Variants in BCKDHB observed in about 807,000 individuals in gnomAD.
The protein encoded by BCKDHB is branched chain keto acid dehydrogenase E1 subunit beta.
BCKDHB carries 41 observed loss-of-function variants against 48.5 expected under a neutral mutation model. That is an observed-to-expected ratio of 0.85 (90% CI 0.66 to 1.10). The LOEUF is 1.10. Ranked by LOEUF, BCKDHB falls within the 50% of genes least tolerant of loss-of-function variation. The probability of loss-of-function intolerance (pLI) is 0.00; values close to 1 mark genes in which losing one functional copy is unlikely to be tolerated. For synonymous variants in BCKDHB, 201 were observed against 174.8 expected, an observed-to-expected ratio of 1.15 and a Z score of -1.18; for missense variants, 496 against 494.2, an observed-to-expected ratio of 1.00 and a Z score of -0.03.
chr6:80,253,776 A>G (rs1419116672), intron 8 of BCKDHB, among the ~76,000 whole-genome samples: 1 of 152,112 alleles, frequency 6.6e-6, no homozygotes, highest in African/African-American at 2.4e-5. Flanking sequence ...TAGTTTTTTA[A>G]TGAATCTTGG....
At chr6:80,238,769 G>A (rs978888555) in intron 8 of BCKDHB, among the ~76,000 whole-genome samples, 9 of 151,718 alleles carry the variant, frequency 5.9e-5, no homozygotes, top group African/African-American at 1.9e-4. Context: ...TCCCATGACA[G>A]GCCCCAGTGT....
chr6:80,457,287 T>C, the BCKDHB span, among the ~76,000 whole-genome samples: 1 of 152,144 alleles, frequency 6.6e-6, no homozygotes, highest in African/African-American at 2.4e-5. Context: ...CTTTCAGACT[T>C]ATGCTTTCTT....
chr6:80,424,150 C>T, the BCKDHB span, among the ~76,000 whole-genome samples: 2 of 152,108 alleles, frequency 1.3e-5, no homozygotes, highest in African/African-American at 4.8e-5. Context: ...GTCTTTCAGC[C>T]TTTGTTTTCA....
In BCKDHB at chr6:80,189,125, T is replaced by C. The variant is rs563530939; in HGVS notation, c.743-11809T>C. Among the ~76,000 whole-genome samples, 4 of 152,364 alleles carry C rather than the reference T, an allele frequency of 2.6e-5. No homozygotes were observed. In the East Asian group the frequency reaches 7.7e-4, roughly 29 times the overall value. ...AAATATCTGGAAGTCAAATATTTACTTACATTTAATAAATAGATTTCTTTA... is the reference window on the plus strand; with the variant it reads ...AAATATCTGGAAGTCAAATATTTACCTACATTTAATAAATAGATTTCTTTA... On this transcript the variant is annotated intron_variant, in intron 6 of 9. Transcript: ENST00000320393.
At chr6:80,260,420 C>T (rs958621698) in intron 8 of BCKDHB, among the ~76,000 whole-genome samples, 2 of 152,252 alleles carry the variant, frequency 1.3e-5, no homozygotes, top group African/African-American at 2.4e-5. Context: ...AACAGACTCT[C>T]ACTCTTCCAG....
chr6:80,107,573 A>G (rs1769189497), intron 1 of BCKDHB, among the ~76,000 whole-genome samples: 1 of 144,754 alleles, frequency 6.9e-6, no homozygotes, highest in Admixed American at 6.9e-5. Flanking sequence ...ATATATGCAT[A>G]TATGTATATA....
chr6:80,438,070 T>G, the BCKDHB span, among the ~76,000 whole-genome samples: 6 of 152,338 alleles, frequency 3.9e-5, no homozygotes, highest in East Asian at 9.6e-4. Context: ...GGTCAACATC[T>G]GGCTTCCATT....
chr6:80,392,388 T>C, the BCKDHB span, among the ~76,000 whole-genome samples: 3 of 152,058 alleles, frequency 2.0e-5, no homozygotes, highest in African/African-American at 7.2e-5. Context: ...TTTTGAACTT[T>C]CCTTTATTAA....
intron 6 of BCKDHB, among the ~76,000 whole-genome samples, chr6:80,196,635 G>C (rs1410126087): frequency 6.6e-6 from 1 of 151,632 alleles, no homozygotes; most frequent in East Asian, 1.9e-4. Context: ...TATTAAACTT[G>C]GTATATATAT....
At position 80,145,193 on chromosome 6, in the gene BCKDHB, T is replaced by G. The variant is rs575278509; in HGVS notation, c.343+15964T>G. On this transcript the variant is annotated intron_variant, in intron 3 of 9. Transcript: ENST00000320393. The stretch of plus-strand genomic sequence containing the variant: ...TTCCAGATCACATGGACTCTATCTT[T>G]CTGTTGTGAATCTCTCTTGTGGAGG... Among the ~76,000 whole-genome samples the G allele has an allele frequency of 2.0e-5, 3 of 152,306 alleles. No individual in the cohort carries two copies. In the East Asian group the frequency reaches 5.8e-4, roughly 29 times the overall value.
chr6:80,196,334 A>G (rs970510439), intron 6 of BCKDHB, among the ~76,000 whole-genome samples: 3 of 151,812 alleles, frequency 2.0e-5, no homozygotes, highest in African/African-American at 7.3e-5. Flanking sequence ...TATACTCTCT[A>G]TTTTTCTTGT....
intron 3 of BCKDHB, among the ~76,000 whole-genome samples, chr6:80,132,232 C>G (rs960167339): frequency 6.6e-6 from 1 of 151,940 alleles, no homozygotes; most frequent in Non-Finnish European, 1.5e-5. Context: ...CTTCCGGACC[C>G]TCCAAGCAGA....
chr6:80,142,759 A>G (rs1771286545), intron 3 of BCKDHB, among the ~76,000 whole-genome samples: 1 of 152,034 alleles, frequency 6.6e-6, no homozygotes. Context: ...TGTCAGAGTC[A>G]TTTTTCTTTT....
intron 8 of BCKDHB, among the ~76,000 whole-genome samples, chr6:80,260,075 G>C (rs954735316): frequency 2.0e-5 from 3 of 151,998 alleles, no homozygotes; most frequent in Non-Finnish European, 4.4e-5. Flanking sequence ...TAAAACATTG[G>C]TTGTGGCTTT....
At chr6:80,249,239 C>A (rs185947215) in intron 8 of BCKDHB, among the ~76,000 whole-genome samples, 1 of 151,870 alleles carries the variant, frequency 6.6e-6, no homozygotes, top group East Asian at 1.9e-4. Context: ...GTTCCTTGGG[C>A]TAGATAATGC....
intron 9 of BCKDHB, among the ~76,000 whole-genome samples, chr6:80,314,750 G>A (rs920699534): frequency 5.3e-5 from 8 of 152,288 alleles, no homozygotes; most frequent in South Asian, 4.1e-4. Context: ...CACTCTGTCC[G>A]AGGGAGAGAC....
chr6:80,324,033 A>G (rs1768896859), intron 9 of BCKDHB, among the ~76,000 whole-genome samples: 1 of 152,134 alleles, frequency 6.6e-6, no homozygotes, highest in Admixed American at 6.5e-5. Flanking sequence ...CGGCCTCCCA[A>G]AGTGCTGGGA....
intron 8 of BCKDHB, among the ~76,000 whole-genome samples, chr6:80,236,630 T>G (rs1034291520): frequency 2.0e-5 from 3 of 152,208 alleles, no homozygotes; most frequent in African/African-American, 7.2e-5. Flanking sequence ...TTGAAAATAC[T>G]GAGTCATTGA....
chr6:80,420,313 A>C, the BCKDHB span, among the ~76,000 whole-genome samples: 1 of 152,158 alleles, frequency 6.6e-6, no homozygotes. Context: ...TGGGAGAAAA[A>C]GGCCTTCTAC....
Sources: gnomAD v4.1 joint callset for allele counts (sites outside exome capture counted in the v4.1 genomes callset) on GRCh38, gnomAD v4.1.1 for gene constraint, MANE v1.5 for transcripts, NCBI Gene and HGNC (gene_info 2026-07-23, HGNC 2026-07-21) for gene names.